Variants in ABLIM2 observed in about 807,000 individuals in gnomAD.
ABLIM2 encodes actin binding LIM protein family member 2, also known as actin-binding LIM protein 2.
ABLIM2 carries 53 observed loss-of-function variants against 97.7 expected under a neutral mutation model. That is an observed-to-expected ratio of 0.54 (90% confidence interval 0.44 to 0.68). The LOEUF (loss-of-function observed/expected upper bound fraction) is 0.68, where lower values mean the gene tolerates loss of function less well. ABLIM2 is among the 30% of genes least tolerant of loss of function. ABLIM2 has a pLI of 0.00. For synonymous variants in ABLIM2, 361 were observed against 345.8 expected (o/e 1.04, Z -0.49); for missense variants, 835 against 867.2 (o/e 0.96, Z 0.47).
intron 2 of ABLIM2, among the ~76,000 whole-genome samples, chr4:8,105,893 A>G (rs4235254): frequency 0.96 from 145,640 of 152,300 alleles, 69,978 homozygotes; most frequent in East Asian, 1. Context: ...GACTCGGCAC[A>G]GGCCATCTCC....
chr4:8,155,325 C>G lies in ABLIM2; in HGVS notation c.10+3355G>C, dbSNP rs186619111. Among the ~76,000 whole-genome samples the G allele has an allele frequency of 1.3e-5, 2 of 152,280 alleles. No individual in the cohort carries two copies. The highest frequency in any genetic ancestry group is 1.3e-4 in the Admixed American group (2 of 15,302). ...TTAGGTGAAGAAATGTGTCTCTGTT[C>G]CAAATACTAGGATCTGCACCGTCCA... On this transcript the variant is annotated intron_variant, in intron 1 of 20. Coordinates refer to ENST00000447017, the MANE Select transcript of ABLIM2 (RefSeq NM_001130083.2). The surrounding 1 kb of genome is among the most constrained non-coding windows in gnomAD (Gnocchi z 4.2).
In ABLIM2 at chr4:8,029,286, C is replaced by T. The variant is rs1358244437; in HGVS notation, c.1168+370G>A. Among the ~76,000 whole-genome samples the T allele has an allele frequency of 2.0e-5, 3 of 152,310 alleles. No homozygotes were observed. The East Asian group carries it at 5.8e-4, about 29-fold the overall frequency. On this transcript the variant is annotated intron_variant, in intron 11 of 20. Transcript: ENST00000447017. Reference sequence around the variant, plus strand: ...GAGACCCACATGAGCTTGCAGCCGGCCAACGTCTGCTCTCCTGACACATAT... The same window carrying T: ...GAGACCCACATGAGCTTGCAGCCGGTCAACGTCTGCTCTCCTGACACATAT...
intron 1 of ABLIM2, among the ~76,000 whole-genome samples, chr4:8,135,650 G>A (rs912939891): frequency 2.6e-5 from 4 of 152,234 alleles, no homozygotes; most frequent in Non-Finnish European, 4.4e-5. Flanking sequence ...AGAAATCAAT[G>A]TCTGCTGTTT....
chr4:8,113,795 C>T lies in ABLIM2; in HGVS notation c.11-7158G>A, dbSNP rs767504522. Reference sequence around the variant, plus strand: ...AGTTTTCTAAGCCTACACACGCACACATGAACTCCAGAGGTCCCGGCTCAC... The same window carrying T: ...AGTTTTCTAAGCCTACACACGCACATATGAACTCCAGAGGTCCCGGCTCAC... On this transcript the variant is annotated intron_variant, in intron 1 of 20. Coordinates refer to ENST00000447017, the MANE Select transcript of ABLIM2 (RefSeq NM_001130083.2). This position sits in a 1 kb window ranked among gnomAD's most constrained non-coding sequence, Gnocchi z 4.5. Among the ~76,000 whole-genome samples, 2 of 152,262 alleles carry T rather than the reference C, an allele frequency of 1.3e-5. No homozygotes were observed. Among genetic ancestry groups the T allele is most frequent in the Non-Finnish European group, 2.9e-5 (2 of 68,038 alleles).
chr4:8,076,731 AG>A (rs935995477), intron 6 of ABLIM2, among the ~76,000 whole-genome samples: 7 of 70,558 alleles, frequency 9.9e-5, no homozygotes, highest in Admixed American at 1.6e-4. Flanking sequence ...GAGGGGCTGC[AG>A]GGTTGGGGGG....
intron 20 of ABLIM2, among the ~76,000 whole-genome samples, chr4:7,982,837 G>A (rs1481210945): frequency 1.3e-5 from 2 of 152,120 alleles, no homozygotes; most frequent in African/African-American, 4.8e-5. Context: ...CTGAGTAGCT[G>A]GGATTACAGG....
chr4:8,073,217 T>G (rs987039105), intron 6 of ABLIM2, among the ~76,000 whole-genome samples: 19 of 134,084 alleles, frequency 1.4e-4, no homozygotes, highest in South Asian at 7.5e-4. Flanking sequence ...GTGGTAGGGG[T>G]GGGGGTGGTG....
chr4:8,064,485 C>A (rs1459042011), intron 6 of ABLIM2, among the ~76,000 whole-genome samples: 1 of 152,238 alleles, frequency 6.6e-6, no homozygotes, highest in African/African-American at 2.4e-5. Context: ...AAGTTCCCAA[C>A]AGCCACAGGA....
rs1043634649 is a variant in ABLIM2 at position 8,002,416 on chromosome 4, T to C, written c.1618+5643A>G. Among the ~76,000 whole-genome samples, 10 of 152,212 alleles carry C rather than the reference T, an allele frequency of 6.6e-5. No homozygotes were observed. Among genetic ancestry groups the C allele is most frequent in the Admixed American group, 5.9e-4 (9 of 15,284 alleles). On this transcript the variant is annotated intron_variant, in intron 16 of 20. Coordinates refer to ENST00000447017, the MANE Select transcript of ABLIM2 (RefSeq NM_001130083.2). The surrounding 1 kb of genome is among the most constrained non-coding windows in gnomAD (Gnocchi z 6.1). ...GTGAGATCCTTCCAGGGCCCCCCAC[T>C]GCTTTTGTGGGAGCCCTTTTCCTCT...
chr4:7,988,242 C>T (rs180804653), intron 17 of ABLIM2, among the ~76,000 whole-genome samples: 61 of 152,238 alleles, frequency 4.0e-4, no homozygotes, highest in African/African-American at 1.4e-3. Context: ...AGGCTGGTCT[C>T]GAACTCCTGA....
At chr4:7,981,191 C>T (rs1336562055) in intron 20 of ABLIM2, among the ~76,000 whole-genome samples, 1 of 152,022 alleles carries the variant, frequency 6.6e-6, no homozygotes, top group African/African-American at 2.4e-5. Flanking sequence ...GATCTGCCCA[C>T]CTCAGCCTCC....
At position 8,001,281 on chromosome 4, in the gene ABLIM2, G is replaced by A. The variant is rs1382221545; in HGVS notation, c.1618+6778C>T. On this transcript the variant is annotated intron_variant, in intron 16 of 20. Transcript: ENST00000447017. This position sits in a 1 kb window ranked among gnomAD's most constrained non-coding sequence, Gnocchi z 4.2. ...GGCTATGAGACAACATGAGCTCTCAGAGGGACACGGGGTGCCACCCAGGGC... is the reference window on the plus strand; with the variant it reads ...GGCTATGAGACAACATGAGCTCTCAAAGGGACACGGGGTGCCACCCAGGGC... Among the ~76,000 whole-genome samples, 2 of 152,174 alleles carry A rather than the reference G, an allele frequency of 1.3e-5. No individual in the cohort carries two copies. Among genetic ancestry groups the A allele is most frequent in the Non-Finnish European group, 2.9e-5 (2 of 68,018 alleles).
Position 7,996,905 on chromosome 4 carries a change from A to G in ABLIM2, c.1619-3978T>C, listed in dbSNP as rs886668218. ...CTGTTTTTTCTCTCTGGTTGCTTTCAACATTTTTTTCTTTGTCCTTAATTT... is the reference window on the plus strand; with the variant it reads ...CTGTTTTTTCTCTCTGGTTGCTTTCGACATTTTTTTCTTTGTCCTTAATTT... On this transcript the variant is annotated intron_variant, in intron 16 of 20. Coordinates refer to ENST00000447017, the MANE Select transcript of ABLIM2 (RefSeq NM_001130083.2). The surrounding 1 kb of genome is among the most constrained non-coding windows in gnomAD (Gnocchi z 4.5). 2.0e-5 allele frequency among the ~76,000 whole-genome samples: 3 copies of G among 151,994 alleles called. No individual in the cohort carries two copies. The highest frequency in any genetic ancestry group is 6.6e-5 in the Admixed American group (1 of 15,258).
At chr4:8,025,392 C>T (rs556649795) in intron 12 of ABLIM2, among the ~76,000 whole-genome samples, 4 of 152,230 alleles carry the variant, frequency 2.6e-5, no homozygotes, top group African/African-American at 7.2e-5. Context: ...GTGGCATAGA[C>T]GGCTTCGGAG....
intron 20 of ABLIM2, among the ~76,000 whole-genome samples, chr4:7,979,896 TGAGA>T (rs1267523052): frequency 2.6e-5 from 4 of 152,130 alleles, no homozygotes; most frequent in Non-Finnish European, 4.4e-5. Flanking sequence ...CTGGGACTGC[TGAGA>T]GAGAGAAAGA....
In ABLIM2 at chr4:8,155,443, C is replaced by A. The variant is rs1057186464; in HGVS notation, c.10+3237G>T. ...TTCCTTCCCTAAACCTTGGTTTCCC[C>A]CTTTGTGCAGGTGGGTGGGTTTGGG... On this transcript the variant is annotated intron_variant, in intron 1 of 20. Transcript: ENST00000447017. This position sits in a 1 kb window ranked among gnomAD's most constrained non-coding sequence, Gnocchi z 4.2. Among the ~76,000 whole-genome samples the A allele has an allele frequency of 6.6e-6, 1 of 152,184 alleles. No homozygotes were observed. The highest frequency in any genetic ancestry group is 2.1e-4 in the South Asian group (1 of 4,832).
intron 1 of ABLIM2, among the ~76,000 whole-genome samples, chr4:8,156,438 TGCTATATAAACAATC>T (rs1300134157): frequency 1.3e-5 from 2 of 152,200 alleles, no homozygotes; most frequent in Admixed American, 1.3e-4. Flanking sequence ...CCTTGCCATG[TGCTATATAAACAATC>T]GCTCTGGCCA....
chr4:8,061,098 A>G lies in ABLIM2; in HGVS notation c.676-44T>C. 2 of 1,539,878 alleles carry G rather than the reference A, an allele frequency of 1.3e-6. No homozygotes were observed. Among genetic ancestry groups the G allele is most frequent in the Non-Finnish European group, 1.8e-6 (2 of 1,136,398 alleles). ...GCAGAATGTTTCTACTAAAGCCAGA[A>G]AGGTCGGCTGGGTCCCAGCGCCCGG... On this transcript the variant is annotated intron_variant, in intron 6 of 20. Transcript: ENST00000447017. This position sits in a 1 kb window ranked among gnomAD's most constrained non-coding sequence, Gnocchi z 4.5.
intron 20 of ABLIM2, among the ~76,000 whole-genome samples, chr4:7,980,543 C>T (rs1364135774): frequency 3.3e-5 from 5 of 151,940 alleles, no homozygotes; most frequent in Non-Finnish European, 5.9e-5. Flanking sequence ...GGTGAAACCC[C>T]ATCTCTACTA....
Sources: allele counts gnomAD v4.1 joint callset (sites outside exome capture counted in the v4.1 genomes callset), GRCh38; gene constraint gnomAD v4.1.1; non-coding constraint Gnocchi (gnomAD v3.1); transcripts MANE v1.5; gene names NCBI Gene and HGNC (gene_info 2026-07-23, HGNC 2026-07-21).